RTL4: variants seen among roughly 807,000 people sequenced by gnomAD.
RTL4 encodes retrotransposon Gag-like protein 4.
A neutral mutation model predicts 5.3 loss-of-function variants in RTL4; 4 were observed. That is an observed-to-expected ratio of 0.75 (90% CI 0.37 to 1.72). RTL4 has a LOEUF of 1.72. Ranked by LOEUF, RTL4 falls within the 40% of genes most tolerant of loss-of-function variation. The probability of loss-of-function intolerance (pLI) is 0.04; values close to 1 mark genes in which losing one functional copy is unlikely to be tolerated. For synonymous variants in RTL4, 98 were observed against 87.3 expected, an observed-to-expected ratio of 1.12 and a Z score of -0.68; for missense variants, 260 against 227.1, an observed-to-expected ratio of 1.14 and a Z score of -0.93.
At chrX:112,305,906 A>G in the RTL4 span, among the ~76,000 whole-genome samples, 5 of 111,348 alleles carry the variant, frequency 4.5e-5, no homozygotes, top group African/African-American at 1.6e-4. Context: ...CCTTGCTTCA[A>G]TCAAACCGTT....
At chrX:112,186,612 G>A in the RTL4 span, among the ~76,000 whole-genome samples, 21 of 111,841 alleles carry the variant, frequency 1.9e-4, no homozygotes, top group African/African-American at 5.8e-4. Flanking sequence ...ATGATGTTAC[G>A]GGGGAATATA....
chrX:112,229,762 C>A, the RTL4 span, among the ~76,000 whole-genome samples: 1 of 112,328 alleles, frequency 8.9e-6, no homozygotes, highest in Non-Finnish European at 1.9e-5. Context: ...GGACCCTCAG[C>A]TGCAGGTCTG....
At chrX:112,122,704 G>A in the RTL4 span, among the ~76,000 whole-genome samples, 2 of 110,814 alleles carry the variant, frequency 1.8e-5, no homozygotes, top group Non-Finnish European at 1.9e-5. Flanking sequence ...TAAAGAAACG[G>A]AAGTTATAAC....
the RTL4 span, among the ~76,000 whole-genome samples, chrX:112,260,649 T>A: frequency 3.6e-5 from 4 of 111,980 alleles, no homozygotes; most frequent in Non-Finnish European, 7.5e-5. Flanking sequence ...ACTAACTTTA[T>A]AGATCCATGC....
chrX:112,201,309 T>C, the RTL4 span, among the ~76,000 whole-genome samples: 2 of 111,376 alleles, frequency 1.8e-5, no homozygotes, highest in Admixed American at 9.5e-5. Flanking sequence ...AAGATGAGAT[T>C]TGGGTGGGGA....
chrX:112,390,316 G>C, the RTL4 span, among the ~76,000 whole-genome samples: 7 of 100,299 alleles, frequency 7.0e-5, no homozygotes, highest in Non-Finnish European at 1.2e-4. Flanking sequence ...AATGGGCATG[G>C]TGGTGCACTC....
chrX:112,088,460 G>A, the RTL4 span, among the ~76,000 whole-genome samples: 1 of 111,885 alleles, frequency 8.9e-6, no homozygotes, highest in Non-Finnish European at 1.9e-5. Context: ...TCATTCATCA[G>A]ATGTTGGACA....
chrX:112,455,920 C>T, exon 1 of RTL4: 1 of 362,733 alleles, frequency 2.8e-6, no homozygotes, highest in Non-Finnish European at 4.9e-6. Flanking sequence ...GCACCAAAAA[C>T]CTGCAGGCAA....
At chrX:112,095,916 A>G in the RTL4 span, among the ~76,000 whole-genome samples, 1 of 111,969 alleles carries the variant, frequency 8.9e-6, no homozygotes, top group African/African-American at 3.2e-5. Context: ...GAGCACTTAA[A>G]GTTTCTAATG....
chrX:112,412,898 AATC>A, the RTL4 span, among the ~76,000 whole-genome samples: 1 of 110,601 alleles, frequency 9.0e-6, no homozygotes, highest in Non-Finnish European at 1.9e-5. Flanking sequence ...TAAAGGAAAC[AATC>A]AACAAAGTGA....
At chrX:112,426,748 T>A in the RTL4 span, among the ~76,000 whole-genome samples, 1 of 111,106 alleles carries the variant, frequency 9.0e-6, no homozygotes, top group Non-Finnish European at 1.9e-5. Context: ...AAAAAAGAAG[T>A]TTTATTTTTT....
chrX:112,380,438 C>T, the RTL4 span, among the ~76,000 whole-genome samples: 1 of 112,046 alleles, frequency 8.9e-6, no homozygotes, highest in South Asian at 3.7e-4. Context: ...AGGCGTGAGC[C>T]ACCGCACCTG....
the RTL4 span, among the ~76,000 whole-genome samples, chrX:112,189,972 A>G: frequency 8.9e-6 from 1 of 111,780 alleles, no homozygotes; most frequent in Admixed American, 9.5e-5. Flanking sequence ...GCTGATATAC[A>G]AGATAAGCCT....
chrX:112,098,473 C>G, the RTL4 span, among the ~76,000 whole-genome samples: 1 of 111,244 alleles, frequency 9.0e-6, no homozygotes, highest in Admixed American at 9.5e-5. Context: ...GGGTATATAC[C>G]CAGTAATGGG....
chrX:112,115,695 C>T, the RTL4 span, among the ~76,000 whole-genome samples: 1 of 111,721 alleles, frequency 9.0e-6, no homozygotes, highest in Non-Finnish European at 1.9e-5. Flanking sequence ...TTGGTAAGCC[C>T]AGGTGCCTAA....
At chrX:112,297,860 A>T in the RTL4 span, among the ~76,000 whole-genome samples, 30 of 112,224 alleles carry the variant, frequency 2.7e-4, no homozygotes, top group African/African-American at 9.1e-4. Flanking sequence ...CTATTGGGTC[A>T]GTACAAGCTA....
the RTL4 span, among the ~76,000 whole-genome samples, chrX:112,436,691 A>G: frequency 9.1e-6 from 1 of 110,018 alleles, no homozygotes; most frequent in African/African-American, 3.3e-5. Flanking sequence ...TGTATCATGG[A>G]ACTTTCGGAG....
the RTL4 span, among the ~76,000 whole-genome samples, chrX:112,097,558 C>T: frequency 9.0e-6 from 1 of 111,319 alleles, no homozygotes; most frequent in Non-Finnish European, 1.9e-5. Flanking sequence ...ATTGCTTGAG[C>T]CTGTCAGGTA....
At chrX:112,328,062 G>A in the RTL4 span, among the ~76,000 whole-genome samples, 8 of 108,550 alleles carry the variant, frequency 7.4e-5, no homozygotes, top group South Asian at 3.3e-3. Flanking sequence ...ATGCCAAAAT[G>A]TAAAGACCAT....
Sources: gnomAD v4.1 joint callset for allele counts (sites outside exome capture counted in the v4.1 genomes callset) on GRCh38, gnomAD v4.1.1 for gene constraint, MANE v1.5 for transcripts, NCBI Gene and HGNC (gene_info 2026-07-23, HGNC 2026-07-21) for gene names.